Variants in CADPS observed in about 807,000 individuals in gnomAD.
CADPS encodes the protein calcium-dependent secretion activator 1.
A neutral mutation model predicts 167.3 loss-of-function variants in CADPS; 57 were observed. The observed-to-expected ratio is 0.34, with a 90% CI of 0.28 to 0.42. The LOEUF is 0.42. Among genes scored for constraint, CADPS ranks in the 20% least tolerant of loss-of-function variants. The pLI is 1.00. For synonymous variants in CADPS, 676 were observed against 635.3 expected (o/e 1.06, Z -0.96); for missense variants, 1,414 against 1,738.1 (o/e 0.81, Z 3.32).
rs2083134233 is a variant in CADPS, at chr3:62,753,355, T to G, written c.888+86A>C. Reference sequence around the variant, plus strand: ...ATAAAATATAAGTTTTAATCCTTTTTTTAAAAAAATCAAGAAGTATCTCAT... The same window carrying G: ...ATAAAATATAAGTTTTAATCCTTTTGTTAAAAAAATCAAGAAGTATCTCAT... On this transcript the variant is annotated intron_variant, in intron 3 of 29. Coordinates refer to ENST00000383710, the MANE Select transcript of CADPS (RefSeq NM_003716.4). The surrounding 1 kb of genome is among the most constrained non-coding windows in gnomAD (Gnocchi z 4.6). The G allele has an allele frequency of 9.8e-7, 1 of 1,025,588 alleles. No individual in the cohort carries two copies. Among genetic ancestry groups the G allele is most frequent in the Non-Finnish European group, 1.4e-6 (1 of 693,882 alleles). The allele number at this position is 1,025,588 out of a possible 1,614,324, so 63.5% of individuals were successfully genotyped here.
At chr3:62,523,424 T>C (rs561126464) in intron 13 of CADPS, among the ~76,000 whole-genome samples, 47 of 152,336 alleles carry the variant, frequency 3.1e-4, no homozygotes, top group Admixed American at 7.8e-4. Context: ...TTTTGTGAAA[T>C]GAATTTACCT....
At chr3:62,639,181 G>C (rs746021998) in intron 6 of CADPS, among the ~76,000 whole-genome samples, 2 of 152,120 alleles carry the variant, frequency 1.3e-5, no homozygotes, top group African/African-American at 4.8e-5. Flanking sequence ...CCCAACCTAC[G>C]TATCTTCTGG....
rs1216091654 is a variant in CADPS, at chr3:62,549,888, G to A, written c.1966+15C>T. The A allele has an allele frequency of 1.3e-6, 2 of 1,595,610 alleles. No homozygotes were observed. Among genetic ancestry groups the A allele is most frequent in the South Asian group, 1.1e-5 (1 of 90,406 alleles). ...CTCTACAGAGCTATTTTTGTAAAAC[G>A]GCATATTTACTTACAAAATTGAGAG... On this transcript the variant is annotated intron_variant, in intron 11 of 29. Coordinates refer to ENST00000383710, the MANE Select transcript of CADPS (RefSeq NM_003716.4).
At chr3:62,634,047 T>C (rs2149767067) in intron 6 of CADPS, among the ~76,000 whole-genome samples, 1 of 152,304 alleles carries the variant, frequency 6.6e-6, no homozygotes, top group Non-Finnish European at 1.5e-5. Context: ...GCTCTTTCAG[T>C]ATGGCCAATC....
At chr3:62,425,812 A>C (rs1275221978) in intron 28 of CADPS, among the ~76,000 whole-genome samples, 1 of 152,110 alleles carries the variant, frequency 6.6e-6, no homozygotes, top group African/African-American at 2.4e-5. Flanking sequence ...AGTCAGGGAC[A>C]CTCCCAAAGG....
Position 62,583,452 on chromosome 3 carries a change from C to T in CADPS, c.1577+1733G>A, listed in dbSNP as rs9877232. Among the ~76,000 whole-genome samples the T allele has an allele frequency of 1.6e-3, 237 of 152,232 alleles. 1 individual carries two copies. The highest frequency in any genetic ancestry group is 5.2e-3 in the African/African-American group (215 of 41,546). ...AACGGTAGACCTCAGCAATGTTTCA[C>T]GGCATTCTAATTTAATCGAAGAAAA... On this transcript the variant is annotated intron_variant, in intron 8 of 29. Transcript: ENST00000383710.
chr3:62,427,074 CA>C (rs58024853), intron 28 of CADPS, among the ~76,000 whole-genome samples: 170 of 102,558 alleles, frequency 1.7e-3, no homozygotes, highest in Admixed American at 2.7e-3. Context: ...GACTCCGTAT[CA>C]AAAAAAAAAA....
intron 6 of CADPS, 60 bp downstream of exon 6, chr3:62,645,662 C>G (rs1200540634): frequency 6.3e-7 from 1 of 1,593,038 alleles, no homozygotes; most frequent in Non-Finnish European, 8.5e-7. Context: ...TGGAGTTGGC[C>G]AAAATGGAAC....
intron 22 of CADPS, among the ~76,000 whole-genome samples, chr3:62,481,229 C>T (rs2061973377): frequency 6.6e-6 from 1 of 152,194 alleles, no homozygotes; most frequent in Non-Finnish European, 1.5e-5. Context: ...CATACTGTTA[C>T]TATATCCTGC....
chr3:62,776,470 C>T (rs961459748), intron 1 of CADPS, among the ~76,000 whole-genome samples: 3 of 152,084 alleles, frequency 2.0e-5, no homozygotes, highest in African/African-American at 7.2e-5. Flanking sequence ...CTGGCTAACA[C>T]GGTGAAACCC....
chr3:62,811,324 T>C (rs1345307259), intron 1 of CADPS, among the ~76,000 whole-genome samples: 1 of 152,108 alleles, frequency 6.6e-6, no homozygotes, highest in South Asian at 2.1e-4. Context: ...AACATTCTCC[T>C]GCACTCCTTC....
At chr3:62,525,398 A>C (rs1480142464) in intron 13 of CADPS, among the ~76,000 whole-genome samples, 1 of 152,098 alleles carries the variant, frequency 6.6e-6, no homozygotes, top group East Asian at 1.9e-4. Context: ...GGCTCCTTAG[A>C]ATTTAGAGAG....
chr3:62,695,990 G>A (rs1277049514), intron 3 of CADPS, among the ~76,000 whole-genome samples: 1 of 152,128 alleles, frequency 6.6e-6, no homozygotes, highest in African/African-American at 2.4e-5. Context: ...AAATAAATTT[G>A]TATGTCTTTT....
chr3:62,640,411 C>T (rs2067184845), intron 6 of CADPS, among the ~76,000 whole-genome samples: 1 of 152,042 alleles, frequency 6.6e-6, no homozygotes, highest in South Asian at 2.1e-4. Flanking sequence ...GTATAATAAG[C>T]CTGGCCCATT....
intron 1 of CADPS, among the ~76,000 whole-genome samples, chr3:62,786,327 A>G (rs575902595): frequency 6.6e-6 from 1 of 152,282 alleles, no homozygotes; most frequent in South Asian, 2.1e-4. Flanking sequence ...TGACTCTTCT[A>G]GTGTGTGATG....
chr3:62,518,106 A>C, intron 14 of CADPS, 43 bp downstream of exon 14: 1 of 1,306,420 alleles, frequency 7.7e-7, no homozygotes, highest in Non-Finnish European at 1.1e-6. Context: ...TTCCCTTCCC[A>C]CTCTCATCTC....
intron 3 of CADPS, among the ~76,000 whole-genome samples, chr3:62,700,583 T>C (rs1436942657): frequency 6.6e-6 from 1 of 152,122 alleles, no homozygotes; most frequent in Non-Finnish European, 1.5e-5. Context: ...TTATGACTCA[T>C]TGGTGACATT....
intron 10 of CADPS, among the ~76,000 whole-genome samples, chr3:62,550,317 T>C (rs2077121447): frequency 6.6e-6 from 1 of 152,122 alleles, no homozygotes; most frequent in South Asian, 2.1e-4. Context: ...AGCCTGGATC[T>C]TATCTTTTTG....
At chr3:62,639,275 T>C (rs555805352) in intron 6 of CADPS, among the ~76,000 whole-genome samples, 1 of 152,318 alleles carries the variant, frequency 6.6e-6, no homozygotes, top group Non-Finnish European at 1.5e-5. Context: ...TTAAACCTTT[T>C]TCTGGAAGGA....
Sources: gnomAD v4.1 joint callset for allele counts (sites outside exome capture counted in the v4.1 genomes callset) on GRCh38, gnomAD v4.1.1 for gene constraint, Gnocchi (gnomAD v3.1) non-coding constraint, MANE v1.5 for transcripts, NCBI Gene and HGNC (gene_info 2026-07-23, HGNC 2026-07-21) for gene names.